Variants in ASTN2 observed in about 807,000 individuals in gnomAD.
The protein encoded by ASTN2 is astrotactin 2, also known as astrotactin-2.
ASTN2 carries 54 observed loss-of-function variants against 139.8 expected under a neutral mutation model. That is an observed-to-expected ratio of 0.39 (90% CI 0.31 to 0.48). The LOEUF is 0.48. ASTN2 is among the 20% of genes least tolerant of loss of function. The pLI, the probability that ASTN2 is intolerant of heterozygous loss-of-function variation, is 0.95. For missense variants in ASTN2, 1,565 were observed against 1,725.1 expected, an observed-to-expected ratio of 0.91 and a Z score of 1.64; for synonymous variants, 756 against 719.5, an observed-to-expected ratio of 1.05 and a Z score of -0.81.
chr9:117,411,823 G>A (rs1490916539), intron 1 of ASTN2, among the ~76,000 whole-genome samples: 2 of 152,158 alleles, frequency 1.3e-5, no homozygotes, highest in African/African-American at 4.8e-5. Flanking sequence ...GGCCATGTCC[G>A]TATCCCCTGA....
At chr9:117,158,646 C>T (rs1266748900) in intron 3 of ASTN2, among the ~76,000 whole-genome samples, 1 of 151,994 alleles carries the variant, frequency 6.6e-6, no homozygotes, top group African/African-American at 2.4e-5. Context: ...TTGGGTGAGG[C>T]CACGTCCTAG....
intron 3 of ASTN2, among the ~76,000 whole-genome samples, chr9:117,188,978 G>A (rs571044593): frequency 7.9e-5 from 12 of 152,140 alleles, no homozygotes; most frequent in African/African-American, 2.2e-4. Context: ...GAGAATGGCC[G>A]TCCATTCTCA....
intron 20 of ASTN2, among the ~76,000 whole-genome samples, chr9:116,451,404 T>C (rs1588071481): frequency 6.6e-6 from 1 of 152,060 alleles, no homozygotes; most frequent in East Asian, 1.9e-4. Context: ...CATAAATGAA[T>C]GCCTACTAGG....
At chr9:117,180,504 A>G (rs1311838348) in intron 3 of ASTN2, 1 of 607,926 alleles carries the variant, frequency 1.6e-6, no homozygotes. Context: ...GCACATTTGA[A>G]TGCCATTTCC....
chr9:117,353,606 T>C (rs1357744112), intron 1 of ASTN2, among the ~76,000 whole-genome samples: 1 of 152,154 alleles, frequency 6.6e-6, no homozygotes, highest in Non-Finnish European at 1.5e-5. Context: ...GACTTCAGCA[T>C]TGAAAAATGT....
intron 1 of ASTN2, among the ~76,000 whole-genome samples, chr9:117,356,919 C>T (rs947703791): frequency 5.3e-5 from 8 of 151,620 alleles, no homozygotes; most frequent in Non-Finnish European, 7.4e-5. Context: ...AAAAATTAGC[C>T]GGGTCTGGTG....
intron 10 of ASTN2, among the ~76,000 whole-genome samples, chr9:116,930,951 C>G (rs974431124): frequency 6.6e-6 from 1 of 152,074 alleles, no homozygotes; most frequent in Non-Finnish European, 1.5e-5. Flanking sequence ...AGGCCCAGTC[C>G]TTCCCATCAA....
chr9:116,522,241 T>C (rs1440309682), intron 19 of ASTN2, among the ~76,000 whole-genome samples: 2 of 152,118 alleles, frequency 1.3e-5, no homozygotes, highest in Non-Finnish European at 2.9e-5. Context: ...CAATTCACAA[T>C]TGCCAAAAAT....
chr9:116,462,409 T>G (rs1298083077), intron 20 of ASTN2, among the ~76,000 whole-genome samples: 2 of 152,202 alleles, frequency 1.3e-5, no homozygotes, highest in Non-Finnish European at 2.9e-5. Flanking sequence ...GCTCTTAACC[T>G]TCTGCCATGC....
chr9:116,634,325 T>A (rs2131872387), intron 17 of ASTN2, among the ~76,000 whole-genome samples: 1 of 152,144 alleles, frequency 6.6e-6, no homozygotes, highest in South Asian at 2.1e-4. Context: ...GCGCGGTGGC[T>A]CACGCCTGTA....
At chr9:116,930,155 A>C (rs1834859174) in intron 10 of ASTN2, among the ~76,000 whole-genome samples, 1 of 152,182 alleles carries the variant, frequency 6.6e-6, no homozygotes, top group Non-Finnish European at 1.5e-5. Flanking sequence ...CAGCCAGGTG[A>C]GGAGAGCACC....
At chr9:116,915,070 T>G (rs1834404893) in intron 10 of ASTN2, among the ~76,000 whole-genome samples, 1 of 152,208 alleles carries the variant, frequency 6.6e-6, no homozygotes, top group African/African-American at 2.4e-5. Context: ...AGATGTTCTT[T>G]GCAAACTTTT....
chr9:117,270,086 A>C (rs995371645), intron 2 of ASTN2, among the ~76,000 whole-genome samples: 1 of 152,346 alleles, frequency 6.6e-6, no homozygotes, highest in South Asian at 2.1e-4. Context: ...TTTTATCCTC[A>C]GTGTCACATT....
In ASTN2 at chr9:117,043,863, G is replaced by C. The variant is rs1278810615; in HGVS notation, c.1277-3898C>G. ...GTGGAGGTTGCAATGAGCTGAGATC[G>C]CACCATTGCACTCCAGCTTGGGCCA... On this transcript the variant is annotated intron_variant, in intron 5 of 22. Coordinates refer to ENST00000313400, the MANE Select transcript of ASTN2 (RefSeq NM_001365068.1). 7.0e-5 allele frequency among the ~76,000 whole-genome samples: 10 copies of C among 142,952 alleles called. No individual in the cohort carries two copies. The South Asian group carries it at 1.3e-3, about 19-fold the overall frequency. The allele number at this position is 142,952 out of a possible 152,430, so 93.8% of individuals were successfully genotyped here. A position where few individuals can be genotyped will look rare whatever the true frequency, so the allele number is the denominator to read the frequency against.
intron 1 of ASTN2, among the ~76,000 whole-genome samples, chr9:117,339,384 G>T (rs1828990916): frequency 6.6e-6 from 1 of 152,008 alleles, no homozygotes; most frequent in Admixed American, 6.6e-5. Flanking sequence ...AAGAGGCAAG[G>T]TCACCCTGTC....
chr9:116,526,697 T>C (rs1461401817), intron 19 of ASTN2, among the ~76,000 whole-genome samples: 1 of 152,156 alleles, frequency 6.6e-6, no homozygotes, highest in Non-Finnish European at 1.5e-5. Context: ...AATTTTAGTT[T>C]CAGAAATACA....
chr9:117,225,795 C>T (rs971338912), intron 2 of ASTN2, among the ~76,000 whole-genome samples: 3 of 151,568 alleles, frequency 2.0e-5, no homozygotes, highest in African/African-American at 7.3e-5. Flanking sequence ...TTGTGAAGAT[C>T]GGATAAGGTG....
chr9:117,131,523 T>G (rs1219572406), intron 4 of ASTN2, among the ~76,000 whole-genome samples: 2 of 152,314 alleles, frequency 1.3e-5, no homozygotes, highest in East Asian at 3.9e-4. Context: ...TCTCCTTCCC[T>G]TTCTAGGTCT....
intron 17 of ASTN2, among the ~76,000 whole-genome samples, chr9:116,626,010 C>T (rs761794677): frequency 7.9e-5 from 12 of 152,002 alleles, no homozygotes; most frequent in Non-Finnish European, 1.6e-4. Flanking sequence ...GACAGAGTCT[C>T]CCTTTGTTGC....
Sources: gnomAD v4.1 joint callset for allele counts (sites outside exome capture counted in the v4.1 genomes callset) on GRCh38, gnomAD v4.1.1 for gene constraint, MANE v1.5 for transcripts, NCBI Gene and HGNC (gene_info 2026-07-23, HGNC 2026-07-21) for gene names.